PHF20: variants seen among roughly 807,000 people sequenced by gnomAD.
PHF20 encodes PHD finger protein 20.
In PHF20, 23 loss-of-function variants were observed where a neutral mutation model predicts 113.5. The observed-to-expected ratio is 0.20, with a 90% confidence interval of 0.15 to 0.29. The LOEUF is 0.29. Ranked by LOEUF, PHF20 falls within the 10% of genes least tolerant of loss-of-function variation. The pLI, the probability that PHF20 is intolerant of heterozygous loss-of-function variation, is 1.00. For synonymous variants in PHF20, 434 were observed against 457.3 expected (o/e 0.95, Z 0.65); for missense variants, 943 against 1,219.6 (o/e 0.77, Z 3.38).
At chr20:35,868,032 G>T (rs769779212) in intron 6 of PHF20, among the ~76,000 whole-genome samples, 1 of 151,870 alleles carries the variant, frequency 6.6e-6, no homozygotes, top group Non-Finnish European at 1.5e-5. Flanking sequence ...GGTGGCTCAC[G>T]CCTGTAATCT....
intron 9 of PHF20, among the ~76,000 whole-genome samples, chr20:35,896,139 G>A (rs1002795347): frequency 1.3e-5 from 2 of 150,226 alleles, no homozygotes; most frequent in South Asian, 4.2e-4. Context: ...GTTTAAATTG[G>A]CTCTATAACA....
Position 35,927,810 on chromosome 20 carries a change from G to A in PHF20, c.2035G>A (p.Val679Ile), listed in dbSNP as rs1206423434. The change falls in exon 14 of 18, where the codon GTC becomes ATC. Residue 679 changes from valine to isoleucine, a missense_variant. By Grantham distance (29) the Val-to-Ile change is conservative (BLOSUM62 3). Coordinates refer to ENST00000374012, the MANE Select transcript of PHF20 (RefSeq NM_016436.5). ...CEECQCWQHG[V>I]CMGLLEENVP... Reference sequence around the variant, plus strand: ...AGAGTGCCAGTGCTGGCAGCATGGGGTCTGCATGGGATTACTGGAAGAAAA... The same window carrying A: ...AGAGTGCCAGTGCTGGCAGCATGGGATCTGCATGGGATTACTGGAAGAAAA... 2 of 1,613,730 alleles carry A rather than the reference G, an allele frequency of 1.2e-6. No homozygotes were observed. The highest frequency in any genetic ancestry group is 2.7e-5 in the African/African-American group (2 of 74,922).
intron 17 of PHF20, among the ~76,000 whole-genome samples, chr20:35,945,932 G>A (rs550606148): frequency 1.3e-5 from 2 of 152,172 alleles, no homozygotes; most frequent in South Asian, 2.1e-4. Flanking sequence ...CTTTCAAAGT[G>A]GCCAAGGCAG....
chr20:35,780,551 C>CTTT (rs71184082), intron 1 of PHF20, among the ~76,000 whole-genome samples: 1 of 115,508 alleles, frequency 8.7e-6, no homozygotes, highest in Non-Finnish European at 1.8e-5. Context: ...TTTTTCTTTT[C>CTTT]TTTTTTTTTT....
At chr20:35,888,818 C>G (rs1457484889) in intron 9 of PHF20, among the ~76,000 whole-genome samples, 2 of 150,282 alleles carry the variant, frequency 1.3e-5, no homozygotes, top group Non-Finnish European at 3.0e-5. Flanking sequence ...AGTAACTGCT[C>G]TCATGTTGAC....
chr20:35,903,713 C>T (rs1227304780), intron 10 of PHF20, among the ~76,000 whole-genome samples: 1 of 152,202 alleles, frequency 6.6e-6, no homozygotes, highest in African/African-American at 2.4e-5. Flanking sequence ...GAAAGCCTGG[C>T]CACCAGCCCT....
intron 9 of PHF20, among the ~76,000 whole-genome samples, chr20:35,892,224 AT>A (rs780490898): frequency 0.11 from 11,040 of 102,522 alleles, 340 homozygotes; most frequent in Middle Eastern, 0.18. Context: ...CGCCTGGCTG[AT>A]TTTTTTTTTT....
At chr20:35,795,998 G>A (rs562733076) in intron 1 of PHF20, among the ~76,000 whole-genome samples, 148 of 152,022 alleles carry the variant, frequency 9.7e-4, no homozygotes, top group African/African-American at 3.5e-3. Context: ...CTACAGGTGC[G>A]CACCACCATG....
intron 4 of PHF20, chr20:35,849,305 G>T (rs2042677143): frequency 2.6e-6 from 1 of 385,996 alleles, no homozygotes; most frequent in Non-Finnish European, 5.2e-6. Context: ...GGGTGGGAAG[G>T]TGTCTTGGTG....
At chr20:35,775,778 C>A (rs2041162963) in intron 1 of PHF20, among the ~76,000 whole-genome samples, 1 of 143,290 alleles carries the variant, frequency 7.0e-6, no homozygotes, top group Non-Finnish European at 1.5e-5. Flanking sequence ...AAAAAAAGGC[C>A]AAAACTTCTC....
At chr20:35,858,524 C>G (rs1028045798) in intron 5 of PHF20, 143 bp downstream of exon 5, 5 of 546,490 alleles carry the variant, frequency 9.1e-6, no homozygotes, top group Non-Finnish European at 1.6e-5. Flanking sequence ...AAATAATACA[C>G]AAGTTTTCAG....
rs527952040 is a variant in PHF20, at chr20:35,914,144, C to T, written c.1772C>T (p.Pro591Leu). Reference protein sequence around the residue: ...SSHKPGVHMSPQLHGPESGHH... With the variant: ...SSHKPGVHMSLQLHGPESGHH... ...CACAAGCCAGGGGTCCATATGAGCC[C>T]GCAGCTTCATGGCCCAGAATCTGGA... is the stretch of plus-strand genomic sequence containing the variant. The change falls in exon 12 of 18, where the codon CCG becomes CTG. Residue 591 changes from proline to leucine, a missense_variant. Around this residue, in one of 3 missense-constraint regions of PHF20, gnomAD observed 592 missense variants for 787.2 expected, o/e 0.75. Transcript: ENST00000374012. 224 of 1,614,016 alleles carry T rather than the reference C, an allele frequency of 1.4e-4. 1 individual carries two copies. The highest frequency in any genetic ancestry group is 1.3e-3 in the South Asian group (119 of 91,070).
At chr20:35,869,341 T>A in intron 6 of PHF20, 97 bp from the exon 7 acceptor site, 1 of 569,516 alleles carries the variant, frequency 1.8e-6, no homozygotes, top group Non-Finnish European at 3.0e-6. Context: ...CAGTGATTTC[T>A]GCATATATAT....
intron 9 of PHF20, among the ~76,000 whole-genome samples, chr20:35,887,965 GCT>G (rs2054768853): frequency 6.6e-6 from 1 of 150,904 alleles, no homozygotes; most frequent in South Asian, 2.1e-4. Flanking sequence ...AGAAAACACT[GCT>G]TAGGGTTACC....
At chr20:35,800,180 A>G (rs1260467979) in intron 1 of PHF20, 1 of 152,144 alleles carries the variant, frequency 6.6e-6, no homozygotes, top group Non-Finnish European at 1.5e-5. Flanking sequence ...AAACGTGAAT[A>G]TTTTTACTGT....
intron 9 of PHF20, among the ~76,000 whole-genome samples, chr20:35,875,610 C>T (rs1431296089): frequency 1.3e-5 from 2 of 152,018 alleles, no homozygotes; most frequent in Admixed American, 6.6e-5. Flanking sequence ...ACATGTGGGG[C>T]AAATTACTAA....
chr20:35,775,247 G>T (rs938555703), intron 1 of PHF20, among the ~76,000 whole-genome samples: 1 of 152,128 alleles, frequency 6.6e-6, no homozygotes, highest in Non-Finnish European at 1.5e-5. Flanking sequence ...TTTCTGATTT[G>T]CAGGTGATGC....
intron 5 of PHF20, among the ~76,000 whole-genome samples, chr20:35,860,153 G>C (rs1357287049): frequency 6.6e-6 from 1 of 151,984 alleles, no homozygotes; most frequent in African/African-American, 2.4e-5. Flanking sequence ...CTGACCTCAA[G>C]TGATCCGCCC....
intron 2 of PHF20, among the ~76,000 whole-genome samples, chr20:35,838,948 G>C (rs998400925): frequency 6.6e-6 from 1 of 151,098 alleles, no homozygotes; most frequent in African/African-American, 2.4e-5. Context: ...GTGCCATGGT[G>C]GTGCCACTGC....
Sources: gnomAD v4.1 joint callset for allele counts (sites outside exome capture counted in the v4.1 genomes callset) on GRCh38, gnomAD v4.1.1 for gene constraint, gnomAD v4.1.1 regional missense constraint, MANE v1.5 for transcripts, NCBI Gene and HGNC (gene_info 2026-07-23, HGNC 2026-07-21) for gene names.